GAL3ST4: variants seen among roughly 807,000 people sequenced by gnomAD.
The protein encoded by GAL3ST4 is beta-galactose-3-O-sulfotransferase 4.
A neutral mutation model predicts 31.6 loss-of-function variants in GAL3ST4; 30 were observed. The ratio of observed to expected loss-of-function variants is 0.95; its 90% CI spans 0.71 to 1.29. The LOEUF (loss-of-function observed/expected upper bound fraction) is 1.29, where lower values mean the gene tolerates loss of function less well. Ranked by LOEUF, GAL3ST4 falls within the 50% of genes most tolerant of loss-of-function variation. GAL3ST4 has a pLI of 0.00. For missense variants in GAL3ST4, 629 were observed against 625.2 expected, an observed-to-expected ratio of 1.01 and a Z score of -0.06; for synonymous variants, 248 against 256.9, an observed-to-expected ratio of 0.97 and a Z score of 0.33.
At chr7:100,165,823 A>T (rs1487822890) in intron 3 of GAL3ST4, among the ~76,000 whole-genome samples, 2 of 147,952 alleles carry the variant, frequency 1.4e-5, no homozygotes, top group African/African-American at 2.5e-5. Context: ...CCTGTCTCAC[A>T]CACACACACA....
chr7:100,164,903 C>T (rs1303465704), intron 3 of GAL3ST4, among the ~76,000 whole-genome samples: 3 of 143,110 alleles, frequency 2.1e-5, no homozygotes, highest in Admixed American at 7.2e-5. Flanking sequence ...GAGACAGAGT[C>T]TCACTGTGTC....
chr7:100,160,952 T>TTCA lies in GAL3ST4; in HGVS notation c.436_437insTGA (p.Gln146delinsLeuLys). The TTCA allele has an allele frequency of 6.3e-7, 1 of 1,590,560 alleles. No individual in the cohort carries two copies. Among genetic ancestry groups the TTCA allele is most frequent in the South Asian group, 1.1e-5 (1 of 87,540 alleles). On this transcript the variant is annotated protein_altering_variant, in exon 4 of 4. Transcript: ENST00000360039. ...AAAGAAGCTGTCAGAAGGCATGACC[T>TTCA]GAAGTACCTGCAGAGGAGGGAAGAC...
intron 3 of GAL3ST4, 112 bp downstream of exon 3, chr7:100,166,390 C>G: frequency 8.4e-7 from 1 of 1,189,072 alleles, no homozygotes; most frequent in Non-Finnish European, 1.2e-6. Flanking sequence ...CTATGTCCAA[C>G]TTTAGGGTGA....
At position 100,160,067 on chromosome 7, in the gene GAL3ST4, C is replaced by T. The variant is rs557126552; in HGVS notation, c.1322G>A (p.Ser441Asn). 10 of 1,614,128 alleles carry T rather than the reference C, an allele frequency of 6.2e-6. No homozygotes were observed. The East Asian group carries it at 1.6e-4, about 25-fold the overall frequency. Residue 441 changes from serine to asparagine, a missense_variant, in exon 4 of 4, where the codon AGT (serine) becomes AAT (asparagine). By Grantham distance (46) the Ser-to-Asn change is conservative. Transcript: ENST00000360039. Reference protein sequence around the residue: ...SAKVLGYILRSGLSPQDQEEC... With the variant: ...SAKVLGYILRNGLSPQDQEEC... ...CTCTTGGTCTTGGGGGCTCAATCCACTCCGAAGTATATAGCCCAAAACCTT... is the reference window on the plus strand; with the variant it reads ...CTCTTGGTCTTGGGGGCTCAATCCATTCCGAAGTATATAGCCCAAAACCTT...
At chr7:100,163,362 G>A (rs1343554363) in intron 3 of GAL3ST4, among the ~76,000 whole-genome samples, 1 of 152,022 alleles carries the variant, frequency 6.6e-6, no homozygotes, top group Non-Finnish European at 1.5e-5. Flanking sequence ...TCTCCTTGAA[G>A]GGTTTCTGCC....
Position 100,160,732 on chromosome 7 carries a change from G to C in GAL3ST4, c.657C>G (p.Pro219=), listed in dbSNP as rs1311609738. The C allele has an allele frequency of 1.9e-6, 3 of 1,614,062 alleles. No homozygotes were observed. In the East Asian group the frequency reaches 6.7e-5, roughly 36 times the overall value. Reference sequence around the variant, plus strand: ...TCCCTCTCTTGGCCCTCTTCTCTGGGGGAAAGGGCAGGCCAAAGTCAAACC... The same window carrying C: ...TCCCTCTCTTGGCCCTCTTCTCTGGCGGAAAGGGCAGGCCAAAGTCAAACC... ...LLWFDFGLPF[P]PEKRAKRGNI... is the part of the protein sequence containing the mutation. The change falls in exon 4 of 4, where the codon CCC becomes CCG. Residue 219 remains proline (P), a synonymous_variant. Coordinates refer to ENST00000360039, the MANE Select transcript of GAL3ST4 (RefSeq NM_024637.5).
chr7:100,162,007 C>T (rs1479797987), intron 3 of GAL3ST4, among the ~76,000 whole-genome samples: 1 of 152,114 alleles, frequency 6.6e-6, no homozygotes, highest in Admixed American at 6.5e-5. Flanking sequence ...GGATGAATAC[C>T]TAATGCCTGC....
chr7:100,160,445 G>A lies in GAL3ST4; in HGVS notation c.944C>T (p.Ala315Val). 6.2e-7 allele frequency: 1 copy of A among 1,614,112 alleles called. No homozygotes were observed. The highest frequency in any genetic ancestry group is 8.5e-7 in the Non-Finnish European group (1 of 1,180,032). The change falls in exon 4 of 4, where the codon GCA becomes GTA. Residue 315 changes from alanine (A) to valine (V), a missense_variant. Ala to Val is a moderately conservative substitution (Grantham distance 64). Transcript: ENST00000360039. ...ATCTAGACCCCAGCACAGGGCATCTGCCAGCAGAACCAATGACTCATCGAA... is the reference window on the plus strand; with the variant it reads ...ATCTAGACCCCAGCACAGGGCATCTACCAGCAGAACCAATGACTCATCGAA... ...EYFDESLVLL[A>V]DALCWGLDDV...
In GAL3ST4 at chr7:100,160,979, G is replaced by A. The variant is rs773422049; in HGVS notation, c.430-20C>T. The A allele has an allele frequency of 5.8e-6, 9 of 1,552,118 alleles. No homozygotes were observed. Among genetic ancestry groups the A allele is most frequent in the Non-Finnish European group, 6.9e-6 (8 of 1,154,014 alleles). On this transcript the variant is annotated intron_variant, in intron 3 of 3. Transcript: ENST00000360039. ...AAGTACCTGCAGAGGAGGGAAGACA[G>A]AAGAGAGAGAACTGGGCTGGGGAGA...
Position 100,160,551 on chromosome 7 carries a change from C to A in GAL3ST4, c.838G>T (p.Asp280Tyr), listed in dbSNP as rs144870417. Residue 280 changes from aspartate (D) to tyrosine (Y), a missense_variant, in exon 4 of 4, where the codon GAT becomes TAT. By Grantham distance (160) the Asp-to-Tyr change is radical (BLOSUM62 -3). Transcript: ENST00000360039. ...RSQISSPASF[D>Y]LGSSSFIQWG... ...TGGATGAAGGATGAAGACCCCAAAT[C>A]GAAAGAGGCAGGGCTTGATATCTGG... 5.6e-6 allele frequency: 9 copies of A among 1,613,810 alleles called. No homozygotes were observed. The highest frequency in any genetic ancestry group is 7.6e-6 in the Non-Finnish European group (9 of 1,180,056).
chr7:100,168,031 C>CACACACACACACACACAG lies in GAL3ST4; in HGVS notation c.-189+514_-189+515insCTGTGTGTGTGTGTGTGT, dbSNP rs1056620049. 9.1e-5 allele frequency: 13 copies of CACACACACACACACACAG among 142,872 alleles called. No individual in the cohort carries two copies. Among genetic ancestry groups the CACACACACACACACACAG allele is most frequent in the African/African-American group, 2.9e-4 (12 of 40,738 alleles). The allele number at this position is 142,872 out of a possible 1,614,324, so 8.9% of individuals were successfully genotyped here. On this transcript the variant is annotated intron_variant, in intron 1 of 3. Transcript: ENST00000360039. This position sits in a 1 kb window ranked among gnomAD's most constrained non-coding sequence, Gnocchi z 4.1. Reference sequence around the variant, plus strand: ...ACACACACACACACACACACACACACAGAGAAACAGAGAGAGAGAGACAGA... The same window carrying CACACACACACACACACAG: ...ACACACACACACACACACACACACACACACACACACACACACAGAGAGAAACAGAGAGAGAGAGACAGA...
At position 100,160,095 on chromosome 7, in the gene GAL3ST4, C is replaced by G; in HGVS notation, c.1294G>C (p.Ala432Pro). The change falls in exon 4 of 4, where the codon GCT becomes CCT. Residue 432 changes from alanine to proline, a missense_variant. Coordinates refer to ENST00000360039, the MANE Select transcript of GAL3ST4 (RefSeq NM_024637.5). ...CGAAGTATATAGCCCAAAACCTTAG[C>G]TGACCCAAACTGGAAGGGGCGGAAC... ...RRFRPFQFGS[A>P]KVLGYILRSG... 1.2e-6 allele frequency: 2 copies of G among 1,614,146 alleles called. No individual in the cohort carries two copies. The highest frequency in any genetic ancestry group is 1.7e-6 in the Non-Finnish European group (2 of 1,180,008).
In GAL3ST4 at chr7:100,160,842, G is replaced by T. The variant is rs751857243; in HGVS notation, c.547C>A (p.Pro183Thr). Residue 183 changes from proline (P) to threonine (T), a missense_variant, in exon 4 of 4, where the codon CCA (proline) becomes ACA (threonine). Transcript: ENST00000360039. ...TTGGCCAGGAAGGCAGCCAAAGATGGTGACTTGCGGAAGGCTGATGAGGTG... is the reference window on the plus strand; with the variant it reads ...TTGGCCAGGAAGGCAGCCAAAGATGTTGACTTGCGGAAGGCTGATGAGGTG... The part of the protein sequence containing the change: ...KSTSSAFRKS[P>T]SLAAFLANPR... 1 of 1,614,266 alleles carries T rather than the reference G, an allele frequency of 6.2e-7. No individual in the cohort carries two copies. Among genetic ancestry groups the T allele is most frequent in the South Asian group, 1.1e-5 (1 of 91,086 alleles).
In GAL3ST4 at chr7:100,160,304, C is replaced by A; in HGVS notation, c.1085G>T (p.Trp362Leu). ...ATAGAGAGCCCAGTCCAGGTTGTTCCAGGCTCGGGCCCGTGCAGTCAGCTG... is the reference window on the plus strand; with the variant it reads ...ATAGAGAGCCCAGTCCAGGTTGTTCAAGGCTCGGGCCCGTGCAGTCAGCTG... ...DRQLTARARA[W>L]NNLDWALYVH... is the part of the protein sequence containing the mutation. Residue 362 changes from tryptophan (W) to leucine (L), a missense_variant, in exon 4 of 4, where the codon TGG (tryptophan) becomes TTG (leucine). Transcript: ENST00000360039. The A allele has an allele frequency of 6.2e-7, 1 of 1,613,792 alleles. No individual in the cohort carries two copies. The highest frequency in any genetic ancestry group is 8.5e-7 in the Non-Finnish European group (1 of 1,179,850).
rs555677993 is a variant in GAL3ST4 at position 100,168,358 on chromosome 7, T to C, written c.-189+188A>G. Among the ~76,000 whole-genome samples, 1 of 152,264 alleles carries C rather than the reference T, an allele frequency of 6.6e-6. No individual in the cohort carries two copies. Among genetic ancestry groups the C allele is most frequent in the South Asian group, 2.1e-4 (1 of 4,824 alleles). The stretch of plus-strand genomic sequence containing the variant: ...CTGGGGTCTAGCCGCGTCTCCCCTA[T>C]CCAGAGTTCTTCATTTCCTTCCATC... On this transcript the variant is annotated intron_variant, in intron 1 of 3. Transcript: ENST00000360039. The surrounding 1 kb of genome is among the most constrained non-coding windows in gnomAD (Gnocchi z 4.1).
intron 3 of GAL3ST4, 23 bp from the exon 4 acceptor site, chr7:100,160,982 G>A: frequency 6.5e-7 from 1 of 1,550,110 alleles, no homozygotes; most frequent in Non-Finnish European, 8.7e-7. Context: ...GAAGACAGAA[G>A]AGAGAGAACT....
At position 100,167,032 on chromosome 7, in the gene GAL3ST4, G is replaced by A. The variant is rs913800419; in HGVS notation, c.64C>T (p.Leu22=). 1.3e-6 allele frequency: 2 copies of A among 1,569,254 alleles called. No homozygotes were observed. Among genetic ancestry groups the A allele is most frequent in the South Asian group, 2.3e-5 (2 of 85,282 alleles). The change falls in exon 2 of 4, where the codon CTG becomes TTG. Residue 22 remains leucine (L), a synonymous_variant. Transcript: ENST00000360039. ...AAGCCAATGGTCATGAAGACTCCCA[G>A]AGCCACCCCCAGGCTCCGAGGTCCC... ...LWGPRSLGVA[L]GVFMTIGFAL...
rs561947989 is a variant in GAL3ST4, at chr7:100,168,178, C to T, written c.-189+368G>A. On this transcript the variant is annotated intron_variant, in intron 1 of 3. Coordinates refer to ENST00000360039, the MANE Select transcript of GAL3ST4 (RefSeq NM_024637.5). The surrounding 1 kb of genome is among the most constrained non-coding windows in gnomAD (Gnocchi z 4.1). ...CCAGCCCCGCCCCTTCAGATTACAA[C>T]TCGCGATCAGGGACCACGGCCCCTC... 2.6e-5 allele frequency: 4 copies of T among 152,334 alleles called. No homozygotes were observed. Among genetic ancestry groups the T allele is most frequent in the African/African-American group, 9.6e-5 (4 of 41,530 alleles). 9.4% of individuals were successfully genotyped at this position (152,334 alleles called of 1,614,324 possible).
chr7:100,162,185 C>T (rs1159431754), intron 3 of GAL3ST4, among the ~76,000 whole-genome samples: 1 of 152,008 alleles, frequency 6.6e-6, no homozygotes, highest in Non-Finnish European at 1.5e-5. Context: ...ACTCAAGAGG[C>T]TGAGGTGGTA....
Sources: gnomAD v4.1 joint callset for allele counts (sites outside exome capture counted in the v4.1 genomes callset) on GRCh38, gnomAD v4.1.1 for gene constraint, Gnocchi (gnomAD v3.1) non-coding constraint, MANE v1.5 for transcripts, NCBI Gene and HGNC (gene_info 2026-07-23, HGNC 2026-07-21) for gene names.